The following FRMD4A variants were observed in gnomAD, a reference collection of about 807,000 sequenced individuals.
The protein encoded by FRMD4A is FERM domain-containing protein 4A.
FRMD4A carries 29 observed loss-of-function variants against 129.1 expected under a neutral mutation model. The observed-to-expected ratio is 0.22, with a 90% CI of 0.17 to 0.31. The LOEUF is 0.31. FRMD4A is among the 10% of genes least tolerant of loss of function. The pLI, the probability that FRMD4A is intolerant of heterozygous loss-of-function variation, is 1.00. For synonymous variants in FRMD4A, 634 were observed against 571.6 expected, an observed-to-expected ratio of 1.11 and a Z score of -1.56; for missense variants, 1,272 against 1,375.8, an observed-to-expected ratio of 0.92 and a Z score of 1.19.
intron 15 of FRMD4A, among the ~76,000 whole-genome samples, chr10:13,677,637 C>A (rs1182534911): frequency 6.6e-6 from 1 of 152,194 alleles, no homozygotes; most frequent in Non-Finnish European, 1.5e-5. Flanking sequence ...CAGGTTTGCT[C>A]TCTCCATAAG....
intron 3 of FRMD4A, among the ~76,000 whole-genome samples, chr10:13,852,814 T>A (rs2131016247): frequency 6.6e-6 from 1 of 152,204 alleles, no homozygotes; most frequent in African/African-American, 2.4e-5. Flanking sequence ...TGGCCACATG[T>A]GGCTGGTGGC....
At chr10:14,185,283 G>T (rs756542507) in intron 2 of FRMD4A, among the ~76,000 whole-genome samples, 2 of 152,000 alleles carry the variant, frequency 1.3e-5, no homozygotes, top group African/African-American at 2.4e-5. Context: ...TGCTTCCTGA[G>T]AGATCCCAGC....
chr10:13,650,959 A>T (rs1477830239), intron 24 of FRMD4A: 1 of 152,218 alleles, frequency 6.6e-6, no homozygotes, highest in Non-Finnish European at 1.5e-5. Context: ...GTCTTAGAGC[A>T]CTTAATACAT....
At chr10:14,065,918 G>C (rs552857036) in intron 2 of FRMD4A, among the ~76,000 whole-genome samples, 13 of 152,068 alleles carry the variant, frequency 8.5e-5, no homozygotes, top group African/African-American at 2.9e-4. Context: ...CTAGCCCCCT[G>C]TTATCCTTGC....
chr10:14,154,337 A>G (rs769398375), intron 2 of FRMD4A, among the ~76,000 whole-genome samples: 6 of 152,042 alleles, frequency 3.9e-5, no homozygotes, highest in Non-Finnish European at 8.8e-5. Flanking sequence ...CCATTTTTTG[A>G]TATCATTGAG....
rs140625969 is a variant in FRMD4A at position 13,843,954 on chromosome 10, G to C, written c.111+14893C>G. Among the ~76,000 whole-genome samples the C allele has an allele frequency of 2.3e-3, 350 of 152,308 alleles. 2 individuals are homozygous for C. The highest frequency in any genetic ancestry group is 6.0e-3 in the Admixed American group (91 of 15,294). ...ACTGCATTTAATTCCACCAATTAAA[G>C]AGAAACTGTGTGGAAAGATTATAAT... is the stretch of plus-strand genomic sequence containing the variant. On this transcript the variant is annotated intron_variant, in intron 3 of 24. Transcript: ENST00000357447.
chr10:14,079,997 C>T (rs1476810621), intron 2 of FRMD4A, among the ~76,000 whole-genome samples: 1 of 152,184 alleles, frequency 6.6e-6, no homozygotes, highest in Admixed American at 6.5e-5. Context: ...TGAGCAGCTG[C>T]AGTTAGGAGG....
At chr10:13,853,396 A>T (rs528732322) in intron 3 of FRMD4A, among the ~76,000 whole-genome samples, 1 of 152,282 alleles carries the variant, frequency 6.6e-6, no homozygotes, top group South Asian at 2.1e-4. Context: ...AAATTTAAAA[A>T]ATTAGCAATG....
intron 2 of FRMD4A, among the ~76,000 whole-genome samples, chr10:14,185,667 G>C: frequency 6.6e-6 from 1 of 152,212 alleles, no homozygotes; most frequent in Middle Eastern, 3.4e-3. Context: ...TAGCTGTGCA[G>C]ATGAGCAGAA....
chr10:13,674,852 A>C, intron 16 of FRMD4A, 59 bp downstream of exon 16: 1 of 1,545,320 alleles, frequency 6.5e-7, no homozygotes, highest in Non-Finnish European at 8.9e-7. Flanking sequence ...TGACATCAGA[A>C]AGATCAGTGA....
chr10:14,008,210 G>GTGTGTGTGTGTA, intron 2 of FRMD4A: 1 of 1,200,492 alleles, frequency 8.3e-7, no homozygotes. Flanking sequence ...GTGTGTGTGT[G>GTGTGTGTGTGTA]TTCCCAGCAA....
At chr10:13,703,037 G>T (rs892305458) in intron 13 of FRMD4A, among the ~76,000 whole-genome samples, 8 of 152,082 alleles carry the variant, frequency 5.3e-5, no homozygotes, top group African/African-American at 1.9e-4. Flanking sequence ...AAAGAAAACA[G>T]GGATCTGTGC....
chr10:13,849,953 G>A (rs1188135437), intron 3 of FRMD4A, among the ~76,000 whole-genome samples: 3 of 151,576 alleles, frequency 2.0e-5, no homozygotes, highest in Non-Finnish European at 4.4e-5. Flanking sequence ...TGGATCACCT[G>A]AGATCAGGAG....
chr10:14,254,664 T>C (rs1844549549), intron 2 of FRMD4A, among the ~76,000 whole-genome samples: 1 of 152,012 alleles, frequency 6.6e-6, no homozygotes, highest in African/African-American at 2.4e-5. Context: ...GCCTTGCAAG[T>C]TGTATTACTT....
At chr10:13,730,547 G>A (rs948555982) in intron 12 of FRMD4A, among the ~76,000 whole-genome samples, 3 of 152,082 alleles carry the variant, frequency 2.0e-5, no homozygotes, top group Non-Finnish European at 2.9e-5. Context: ...TACCTCCGGT[G>A]CCTAAATGCC....
intron 2 of FRMD4A, among the ~76,000 whole-genome samples, chr10:13,969,353 C>G (rs961806857): frequency 6.6e-6 from 1 of 152,264 alleles, no homozygotes; most frequent in Non-Finnish European, 1.5e-5. Context: ...GAGCCCCAAA[C>G]GCCTATGATG....
At chr10:14,064,477 T>A (rs144803583) in intron 2 of FRMD4A, among the ~76,000 whole-genome samples, 29 of 152,352 alleles carry the variant, frequency 1.9e-4, no homozygotes, top group Non-Finnish European at 3.5e-4. Context: ...TGCTTATTCT[T>A]GGGAAATTCT....
At chr10:14,089,504 T>C (rs1332373569) in intron 2 of FRMD4A, among the ~76,000 whole-genome samples, 2 of 151,888 alleles carry the variant, frequency 1.3e-5, no homozygotes, top group African/African-American at 2.4e-5. Flanking sequence ...ATGTTTTCAG[T>C]AAATTTTCAA....
intron 2 of FRMD4A, among the ~76,000 whole-genome samples, chr10:14,010,293 G>C (rs1301019873): frequency 6.6e-6 from 1 of 152,172 alleles, no homozygotes; most frequent in Non-Finnish European, 1.5e-5. Context: ...GCATAGTTCA[G>C]ATCATAAGGG....
Sources: gnomAD v4.1 joint callset for allele counts (sites outside exome capture counted in the v4.1 genomes callset) on GRCh38, gnomAD v4.1.1 for gene constraint, MANE v1.5 for transcripts, NCBI Gene and HGNC (gene_info 2026-07-23, HGNC 2026-07-21) for gene names.